Variants in HIBCH observed in about 807,000 individuals in gnomAD.
The protein encoded by HIBCH is 3-hydroxyisobutyryl-CoA hydrolase, mitochondrial.
HIBCH carries 50 observed loss-of-function variants against 58.2 expected under a neutral mutation model. That is an observed-to-expected ratio of 0.86 (90% confidence interval 0.68 to 1.09). HIBCH has a LOEUF of 1.09. Ranked by LOEUF, HIBCH falls within the 50% of genes least tolerant of loss-of-function variation. The probability of loss-of-function intolerance (pLI) is 0.00; values close to 1 mark genes in which losing one functional copy is unlikely to be tolerated. For synonymous variants in HIBCH, 151 were observed against 146.9 expected (o/e 1.03, Z -0.20); for missense variants, 450 against 449.7 (o/e 1.00, Z -0.01).
At chr2:190,284,112 T>A (rs1039299635) in intron 6 of HIBCH, among the ~76,000 whole-genome samples, 2 of 152,222 alleles carry the variant, frequency 1.3e-5, no homozygotes, top group Non-Finnish European at 2.9e-5. Flanking sequence ...ATAAAGTATA[T>A]CTTTATTTGA....
chr2:190,269,098 A>T (rs935851066), intron 6 of HIBCH, among the ~76,000 whole-genome samples: 8 of 152,234 alleles, frequency 5.3e-5, no homozygotes, highest in African/African-American at 1.9e-4. Flanking sequence ...TGGATTAAAG[A>T]CTTAAACGTA....
intron 4 of HIBCH, among the ~76,000 whole-genome samples, chr2:190,292,574 G>C (rs1414077016): frequency 6.6e-6 from 1 of 152,222 alleles, no homozygotes; most frequent in African/African-American, 2.4e-5. Flanking sequence ...GCCTCCCAAA[G>C]TGCTGAGATT....
At chr2:190,311,853 T>C (rs1688566219) in intron 1 of HIBCH, among the ~76,000 whole-genome samples, 1 of 152,210 alleles carries the variant, frequency 6.6e-6, no homozygotes, top group Non-Finnish European at 1.5e-5. Flanking sequence ...CTTCTATTTT[T>C]TGCTGTCTTA....
intron 6 of HIBCH, among the ~76,000 whole-genome samples, chr2:190,277,731 ACC>A (rs1373118324): frequency 1.3e-4 from 20 of 152,316 alleles, no homozygotes; most frequent in Non-Finnish European, 2.4e-4. Context: ...AACTGATCAG[ACC>A]ACACCCACAG....
chr2:190,295,711 T>C (rs996128228), intron 3 of HIBCH, among the ~76,000 whole-genome samples: 4 of 152,228 alleles, frequency 2.6e-5, no homozygotes, highest in Admixed American at 1.3e-4. Context: ...TCTAATTTCT[T>C]CCACTCTGGT....
chr2:190,251,088 A>C (rs1686750724), intron 8 of HIBCH, among the ~76,000 whole-genome samples: 1 of 152,284 alleles, frequency 6.6e-6, no homozygotes, highest in Non-Finnish European at 1.5e-5. Flanking sequence ...CATACAAGAG[A>C]CTCTCAATGA....
Position 190,214,485 on chromosome 2 carries a change from AG to A in HIBCH, c.892-1411del, listed in dbSNP as rs1181469202. On this transcript the variant is annotated intron_variant, in intron 11 of 13. Transcript: ENST00000359678. This position sits in a 1 kb window ranked among gnomAD's most constrained non-coding sequence, Gnocchi z 5.5. The stretch of plus-strand genomic sequence containing the variant: ...GGTTTGAATGGATAATCCCCAAACC[AG>A]GAACAAGGAAAAGCAAAAGATGATA... 2.6e-5 allele frequency: 4 copies of A among 152,242 alleles called. No homozygotes were observed. The highest frequency in any genetic ancestry group is 5.9e-5 in the Non-Finnish European group (4 of 68,048). 9.4% of individuals were successfully genotyped at this position (152,242 alleles called of 1,614,324 possible). A position where few individuals can be genotyped will look rare whatever the true frequency, so the allele number is the denominator to read the frequency against.
downstream of HIBCH, chr2:190,200,256 G>A: frequency 1.1e-6 from 1 of 878,970 alleles, no homozygotes; most frequent in Non-Finnish European, 1.8e-6. Flanking sequence ...ATTTAAAAAT[G>A]TGTCTACGAT....
chr2:190,207,401 A>C lies in HIBCH; in HGVS notation c.1045+1479T>G, dbSNP rs1006630567. Among the ~76,000 whole-genome samples the C allele has an allele frequency of 5.3e-5, 8 of 152,216 alleles. No homozygotes were observed. The highest frequency in any genetic ancestry group is 1.0e-4 in the Non-Finnish European group (7 of 68,032). On this transcript the variant is annotated intron_variant, in intron 13 of 13. Coordinates refer to ENST00000359678, the MANE Select transcript of HIBCH (RefSeq NM_014362.4). The surrounding 1 kb of genome is among the most constrained non-coding windows in gnomAD (Gnocchi z 4.5). ...TGTGAGGAAAATGCCTATGTTACTT[A>C]GTTTCTACAAGACACACTGCCATCT...
In HIBCH at chr2:190,217,348, G is replaced by C. The variant is rs1685584184; in HGVS notation, c.892-4273C>G. On this transcript the variant is annotated intron_variant, in intron 11 of 13. Coordinates refer to ENST00000359678, the MANE Select transcript of HIBCH (RefSeq NM_014362.4). This position sits in a 1 kb window ranked among gnomAD's most constrained non-coding sequence, Gnocchi z 4.6. ...AAACTACAAAAATCAGCTGGGTGTG[G>C]TGACACATGCCTGTAATCCCAGCTA... 6.6e-6 allele frequency among the ~76,000 whole-genome samples: 1 copy of C among 152,166 alleles called. No individual in the cohort carries two copies. Among genetic ancestry groups the C allele is most frequent in the East Asian group, 1.9e-4 (1 of 5,192 alleles).
chr2:190,205,297 C>T lies in HIBCH; in HGVS notation c.1046-65G>A, dbSNP rs1690363776. On this transcript the variant is annotated intron_variant, in intron 13 of 13. Coordinates refer to ENST00000359678, the MANE Select transcript of HIBCH (RefSeq NM_014362.4). The stretch of plus-strand genomic sequence containing the variant: ...GTCTAATATTGCTAGATTTTACTTA[C>T]TGAATTGACAGAAATTCTTATACTA... 4.2e-5 allele frequency: 39 copies of T among 920,968 alleles called. 1 individual carries two copies. In the South Asian group the frequency reaches 4.8e-4, roughly 11 times the overall value. The allele number at this position is 920,968 out of a possible 1,614,324, so 57.0% of individuals were successfully genotyped here. A position where few individuals can be genotyped will look rare whatever the true frequency, so the allele number is the denominator to read the frequency against.
Position 190,312,062 on chromosome 2 carries a change from C to T in HIBCH, c.36-1266G>A, listed in dbSNP as rs554645967. Among the ~76,000 whole-genome samples, 9 of 152,120 alleles carry T rather than the reference C, an allele frequency of 5.9e-5. No individual in the cohort carries two copies. In the South Asian group the frequency reaches 1.7e-3, roughly 28 times the overall value. The stretch of plus-strand genomic sequence containing the variant: ...GTTCACTAAGCTATAAACTTCAGAA[C>T]GGTGTACTCAAGTGCCTTATGTAAA... On this transcript the variant is annotated intron_variant, in intron 1 of 13. Transcript: ENST00000359678.
intron 5 of HIBCH, among the ~76,000 whole-genome samples, chr2:190,288,150 C>A (rs1244158152): frequency 1.9e-5 from 1 of 53,142 alleles, no homozygotes; most frequent in East Asian, 4.5e-4. Context: ...CAGACCAAGA[C>A]CCTATCTTTT....
Position 190,246,144 on chromosome 2 carries a change from T to G in HIBCH, c.809+10A>C. On this transcript the variant is annotated intron_variant, in intron 10 of 13. Coordinates refer to ENST00000359678, the MANE Select transcript of HIBCH (RefSeq NM_014362.4). ...AAAGGAATATATAACTGAGATCTCT[T>G]TTTAGGTACCTGTTTATTTTGTCCA... 1 of 1,497,906 alleles carries G rather than the reference T, an allele frequency of 6.7e-7. No homozygotes were observed. The highest frequency in any genetic ancestry group is 9.3e-7 in the Non-Finnish European group (1 of 1,075,106). The allele number at this position is 1,497,906 out of a possible 1,614,324, so 92.8% of individuals were successfully genotyped here.
intron 6 of HIBCH, among the ~76,000 whole-genome samples, chr2:190,275,398 A>T (rs749806638): frequency 1.3e-5 from 2 of 152,240 alleles, no homozygotes; most frequent in Non-Finnish European, 2.9e-5. Context: ...AGTTCACGGA[A>T]TATGCATTAT....
At chr2:190,235,847 T>C (rs1241499708) in intron 11 of HIBCH, among the ~76,000 whole-genome samples, 1 of 152,200 alleles carries the variant, frequency 6.6e-6, no homozygotes, top group East Asian at 1.9e-4. Flanking sequence ...TAGACACACT[T>C]GCCACACTGC....
chr2:190,306,756 G>T lies in HIBCH; in HGVS notation c.78+3998C>A, dbSNP rs536163701. 1.3e-5 allele frequency among the ~76,000 whole-genome samples: 2 copies of T among 152,184 alleles called. No individual in the cohort carries two copies. The highest frequency in any genetic ancestry group is 2.9e-5 in the Non-Finnish European group (2 of 68,030). ...GCTTGCATCCTTCCAAAATTTGTAT[G>T]TTGAAATCCTAACCTCCAAGGTGAT... On this transcript the variant is annotated intron_variant, in intron 2 of 13. Coordinates refer to ENST00000359678, the MANE Select transcript of HIBCH (RefSeq NM_014362.4). The surrounding 1 kb of genome is among the most constrained non-coding windows in gnomAD (Gnocchi z 4.6).
chr2:190,265,626 T>G (rs1021014412), intron 6 of HIBCH, among the ~76,000 whole-genome samples: 2 of 152,176 alleles, frequency 1.3e-5, no homozygotes, highest in African/African-American at 2.4e-5. Context: ...ACATTACAAT[T>G]TATTCATTTT....
At chr2:190,297,091 G>A (rs1300278830) in intron 2 of HIBCH, 138 bp from the exon 3 acceptor site, 6 of 763,522 alleles carry the variant, frequency 7.9e-6, no homozygotes, top group Non-Finnish European at 1.3e-5. Context: ...CACCTTATAA[G>A]TTTCTGAAGT....
Sources: gnomAD v4.1 joint callset for allele counts (sites outside exome capture counted in the v4.1 genomes callset) on GRCh38, gnomAD v4.1.1 for gene constraint, Gnocchi (gnomAD v3.1) non-coding constraint, MANE v1.5 for transcripts, NCBI Gene and HGNC (gene_info 2026-07-23, HGNC 2026-07-21) for gene names.